Variants in NEK9 observed in about 807,000 individuals in gnomAD.
NEK9 encodes serine/threonine-protein kinase Nek9.
In NEK9, 75 loss-of-function variants were observed where a neutral mutation model predicts 123.4. The observed-to-expected ratio is 0.61, with a 90% CI of 0.50 to 0.74. The LOEUF is 0.74. NEK9 is among the 30% of genes least tolerant of loss of function. The pLI is 0.00. For synonymous variants in NEK9, 438 were observed against 458.7 expected (o/e 0.95, Z 0.58); for missense variants, 952 against 1,214.4 (o/e 0.78, Z 3.21).
chr14:75,098,102 G>A (rs1027960745), intron 16 of NEK9, among the ~76,000 whole-genome samples: 2 of 152,194 alleles, frequency 1.3e-5, no homozygotes, highest in African/African-American at 4.8e-5. Flanking sequence ...AAGGATGGAA[G>A]CAGGGAGACC....
chr14:75,106,319 A>G, intron 12 of NEK9, 183 bp downstream of exon 12: 1 of 578,484 alleles, frequency 1.7e-6, no homozygotes, highest in Non-Finnish European at 2.9e-6. Context: ...AGATCATGCC[A>G]TTGCACTCCA....
intron 12 of NEK9, 108 bp downstream of exon 12, chr14:75,106,390 TACTG>T: frequency 6.7e-6 from 5 of 741,102 alleles, no homozygotes; most frequent in Non-Finnish European, 1.1e-5. Context: ...AAAAAAGATT[TACTG>T]AATTAACACT....
intron 16 of NEK9, 112 bp downstream of exon 16, chr14:75,100,880 A>G (rs1894552599): frequency 7.2e-6 from 8 of 1,107,166 alleles, no homozygotes; most frequent in African/African-American, 1.6e-5. Flanking sequence ...ATACAAATAA[A>G]AAAGTACATC....
rs77853168 is a variant in NEK9 at position 75,111,457 on chromosome 14, A to T, written c.939-1086T>A. ...GTGTCTATGATTTTGTTTATGCTATATTCTCTGTCTGGAAAACTCTGTCTT... is the reference window on the plus strand; with the variant it reads ...GTGTCTATGATTTTGTTTATGCTATTTTCTCTGTCTGGAAAACTCTGTCTT... On this transcript the variant is annotated intron_variant, in intron 8 of 21. Transcript: ENST00000238616. 1.1e-4 allele frequency among the ~76,000 whole-genome samples: 16 copies of T among 152,352 alleles called. No individual in the cohort carries two copies. In the East Asian group the frequency reaches 3.1e-3, roughly 29 times the overall value.
chr14:75,089,209 G>C (rs140298660), intron 19 of NEK9, among the ~76,000 whole-genome samples: 1 of 151,984 alleles, frequency 6.6e-6, no homozygotes, highest in East Asian at 1.9e-4. Flanking sequence ...TAGGACCACA[G>C]GCATGTGCCA....
Position 75,124,115 on chromosome 14 carries a change from T to C in NEK9, c.328A>G (p.Asn110Asp). 4 of 1,614,146 alleles carry C rather than the reference T, an allele frequency of 2.5e-6. No individual in the cohort carries two copies. Among genetic ancestry groups the C allele is most frequent in the Non-Finnish European group, 3.4e-6 (4 of 1,179,954 alleles). ...IVILALLQHDNIIAYYNHFMD... is the reference protein window; with the variant it reads ...IVILALLQHDDIIAYYNHFMD... ...AAGTGATTGTAGTAGGCAATAATGT[T>C]GTCGTGCTGCAGCAGTGCCAGAATA... Residue 110 changes from asparagine to aspartate, a missense_variant, in exon 2 of 22, where the codon AAC (asparagine) becomes GAC (aspartate). By Grantham distance (23) the Asn-to-Asp change is conservative (BLOSUM62 1). Around this residue, in one of 4 missense-constraint regions of NEK9, gnomAD observed 106 missense variants for 153.0 expected, o/e 0.69. Coordinates refer to ENST00000238616, the MANE Select transcript of NEK9 (RefSeq NM_033116.6).
Position 75,118,895 on chromosome 14 carries a change from G to A in NEK9, c.565C>T (p.Leu189=). ...TLNIFLTKAN[L]IKLGDYGLAK... ...AGGCCATAATCTCCAAGTTTTATCA[G>A]GTTTGCCTTGGTCAGAAAAATATTT... Residue 189 remains leucine (L), a synonymous_variant, in exon 5 of 22, where the codon CTG becomes TTG. Transcript: ENST00000238616. 1.2e-6 allele frequency: 2 copies of A among 1,608,768 alleles called. No homozygotes were observed. The highest frequency in any genetic ancestry group is 2.2e-5 in the South Asian group (2 of 90,998).
At chr14:75,108,270 G>A (rs1894843509) in intron 10 of NEK9, among the ~76,000 whole-genome samples, 1 of 151,712 alleles carries the variant, frequency 6.6e-6, no homozygotes, top group Admixed American at 6.6e-5. Flanking sequence ...GATTACAGGT[G>A]CCCGCCACCA....
chr14:75,103,665 CAGAT>C (rs1894665411), intron 14 of NEK9, among the ~76,000 whole-genome samples, 173 bp downstream of exon 14: 1 of 152,190 alleles, frequency 6.6e-6, no homozygotes, highest in Non-Finnish European at 1.5e-5. Flanking sequence ...AAATTTTACA[CAGAT>C]AGAGCTATAT....
At chr14:75,106,384 A>ATTTTT in intron 12 of NEK9, 118 bp downstream of exon 12, 1 of 735,402 alleles carries the variant, frequency 1.4e-6, no homozygotes, top group Non-Finnish European at 2.2e-6. Context: ...AAAAAAAAAA[A>ATTTTT]AGATTTACTG....
chr14:75,105,344 T>A (rs997594075), intron 13 of NEK9, among the ~76,000 whole-genome samples: 4 of 151,288 alleles, frequency 2.6e-5, no homozygotes, highest in African/African-American at 9.7e-5. Context: ...CCCAAAACAC[T>A]GCTAACAATA....
In NEK9 at chr14:75,120,950, T is replaced by C. The variant is rs764114517; in HGVS notation, c.453+169A>G. 26 of 705,296 alleles carry C rather than the reference T, an allele frequency of 3.7e-5. No homozygotes were observed. The East Asian group carries it at 6.8e-4, about 18-fold the overall frequency. The allele number at this position is 705,296 out of a possible 1,614,324, so 43.7% of individuals were successfully genotyped here. On this transcript the variant is annotated intron_variant, in intron 3 of 21. Coordinates refer to ENST00000238616, the MANE Select transcript of NEK9 (RefSeq NM_033116.6). ...AGGTAAAACGTTTAGGAAGCAGCTA[T>C]AGACAGCTTCCTTGTTAGAGGTTTC...
chr14:75,086,061 C>T (rs767337779), intron 21 of NEK9, among the ~76,000 whole-genome samples: 1 of 151,258 alleles, frequency 6.6e-6, no homozygotes, highest in Admixed American at 6.6e-5. Context: ...TGGTGGTAAG[C>T]GTCTATAGTC....
intron 1 of NEK9, among the ~76,000 whole-genome samples, chr14:75,124,775 C>CTT (rs34921975): frequency 2.9e-4 from 36 of 124,984 alleles, no homozygotes; most frequent in African/African-American, 5.4e-4. Flanking sequence ...TGTCTACTAT[C>CTT]TTTTTTTTTT....
chr14:75,120,665 G>GA, intron 3 of NEK9, 85 bp from the exon 4 acceptor site: 1 of 985,350 alleles, frequency 1.0e-6, no homozygotes, highest in Non-Finnish European at 1.5e-6. Flanking sequence ...ACAAAACAAA[G>GA]AAAACTGCAA....
At chr14:75,124,374 G>A (rs1417628781) in intron 1 of NEK9, 151 bp from the exon 2 acceptor site, 2 of 615,326 alleles carry the variant, frequency 3.3e-6, no homozygotes, top group Non-Finnish European at 5.7e-6. Flanking sequence ...TAAAGGTTAT[G>A]TGTACAATTT....
intron 1 of NEK9, among the ~76,000 whole-genome samples, chr14:75,125,260 A>G (rs1043933337): frequency 3.9e-5 from 6 of 152,218 alleles, no homozygotes; most frequent in African/African-American, 1.4e-4. Flanking sequence ...CATTCTTTTC[A>G]TATCTCTACA....
intron 21 of NEK9, chr14:75,086,417 A>G (rs185608801): frequency 6.6e-6 from 1 of 151,748 alleles, no homozygotes; most frequent in African/African-American, 2.4e-5. Context: ...CAATACTAGT[A>G]TTAATTTTTT....
Position 75,085,861 on chromosome 14 carries a change from G to A in NEK9, c.2817+1157C>T, listed in dbSNP as rs1449969311. 2.0e-5 allele frequency among the ~76,000 whole-genome samples: 3 copies of A among 152,134 alleles called. No individual in the cohort carries two copies. The East Asian group carries it at 5.8e-4, about 29-fold the overall frequency. On this transcript the variant is annotated intron_variant, in intron 21 of 21. Coordinates refer to ENST00000238616, the MANE Select transcript of NEK9 (RefSeq NM_033116.6). ...TCCATGTTTGTGCCACTGCACTCCA[G>A]CCTTGGTGACAATGCAAGACCCTGT...
Sources: allele counts gnomAD v4.1 joint callset (sites outside exome capture counted in the v4.1 genomes callset), GRCh38; gene constraint gnomAD v4.1.1; regional missense constraint gnomAD v4.1.1; transcripts MANE v1.5; gene names NCBI Gene and HGNC (gene_info 2026-07-23, HGNC 2026-07-21).